The following NELL1 variants were observed in gnomAD, a reference collection of about 807,000 sequenced individuals.
NELL1 encodes neural EGFL like 1.
Under a neutral mutation model 107.4 loss-of-function variants are expected in NELL1, and 76 were observed. The ratio of observed to expected loss-of-function variants is 0.71; its 90% CI spans 0.59 to 0.86. NELL1 has a LOEUF of 0.86. NELL1 is among the 40% of genes least tolerant of loss of function. The probability of loss-of-function intolerance (pLI) is 0.00; values close to 1 mark genes in which losing one functional copy is unlikely to be tolerated. For synonymous variants in NELL1, 353 were observed against 341.2 expected (o/e 1.03, Z -0.38); for missense variants, 1,024 against 1,005.5 (o/e 1.02, Z -0.25).
Position 21,497,461 on chromosome 11 carries a change from A to G in NELL1, c.1646-36913A>G, listed in dbSNP as rs75067804. On this transcript the variant is annotated intron_variant, in intron 15 of 19. Coordinates refer to ENST00000357134, the MANE Select transcript of NELL1 (RefSeq NM_006157.5). Reference sequence around the variant, plus strand: ...TTTGTTTGACTCTCTTATGATCCAGAACTTGATTAAGAAAGTCTTTCTTAA... The same window carrying G: ...TTTGTTTGACTCTCTTATGATCCAGGACTTGATTAAGAAAGTCTTTCTTAA... Among the ~76,000 whole-genome samples the G allele has an allele frequency of 0.016, 2,452 of 152,256 alleles. 196 individuals carry two copies. The East Asian group carries it at 0.26, about 16-fold the overall frequency.
Position 21,454,959 on chromosome 11 carries a change from T to C in NELL1, c.1646-79415T>C, listed in dbSNP as rs1853688578. Among the ~76,000 whole-genome samples the C allele has an allele frequency of 2.0e-5, 3 of 152,252 alleles. No individual in the cohort carries two copies. The South Asian group carries it at 6.2e-4, about 31-fold the overall frequency. ...CACAGATATTTAGTCCATAACAGTG[T>C]GTTTTGTATTTACTCACATATTTAC... On this transcript the variant is annotated intron_variant, in intron 15 of 19. Coordinates refer to ENST00000357134, the MANE Select transcript of NELL1 (RefSeq NM_006157.5).
At chr11:21,069,098 T>G (rs573174439) in intron 12 of NELL1, among the ~76,000 whole-genome samples, 2 of 152,230 alleles carry the variant, frequency 1.3e-5, no homozygotes, top group East Asian at 1.9e-4. Flanking sequence ...GATTTGAAAG[T>G]AGTGAATGTC....
intron 15 of NELL1, among the ~76,000 whole-genome samples, chr11:21,518,851 A>C (rs181965120): frequency 3.5e-4 from 53 of 152,326 alleles, no homozygotes; most frequent in Admixed American, 3.5e-3. Flanking sequence ...TGTAAAATAG[A>C]GATAAAAATA....
intron 2 of NELL1, among the ~76,000 whole-genome samples, chr11:20,766,302 G>T (rs1856527274): frequency 6.6e-6 from 1 of 152,162 alleles, no homozygotes; most frequent in South Asian, 2.1e-4. Context: ...TAAACTGCAG[G>T]CAGGGTGAAA....
chr11:21,121,978 G>A (rs1455317357), intron 13 of NELL1, among the ~76,000 whole-genome samples: 1 of 152,118 alleles, frequency 6.6e-6, no homozygotes, highest in Non-Finnish European at 1.5e-5. Context: ...TATATCTTAG[G>A]GAGACTATCA....
chr11:20,959,741 C>A (rs1158165490), intron 11 of NELL1, among the ~76,000 whole-genome samples: 2 of 152,066 alleles, frequency 1.3e-5, no homozygotes, highest in East Asian at 3.9e-4. Flanking sequence ...GATATGTGCA[C>A]CAAAATCTCA....
intron 15 of NELL1, among the ~76,000 whole-genome samples, chr11:21,463,294 G>A (rs1853945780): frequency 6.6e-6 from 1 of 152,086 alleles, no homozygotes; most frequent in African/African-American, 2.4e-5. Flanking sequence ...TGTTTGGAGA[G>A]TTGGCCATCT....
At chr11:21,404,079 A>G (rs17305428) in intron 15 of NELL1, among the ~76,000 whole-genome samples, 5,486 of 128,184 alleles carry the variant, frequency 0.043, 176 homozygotes, top group South Asian at 0.099. Context: ...ATTCAATCTC[A>G]TTGTTGAACT....
At chr11:21,212,069 A>C (rs1191841690) in intron 13 of NELL1, among the ~76,000 whole-genome samples, 2 of 151,940 alleles carry the variant, frequency 1.3e-5, no homozygotes, top group Non-Finnish European at 2.9e-5. Context: ...CAAGTTATCC[A>C]CCCACCTTGG....
intron 13 of NELL1, among the ~76,000 whole-genome samples, chr11:21,207,501 A>C (rs994943132): frequency 6.6e-6 from 1 of 152,132 alleles, no homozygotes; most frequent in African/African-American, 2.4e-5. Flanking sequence ...CCCACATCAC[A>C]CTGTGATGAT....
In NELL1 at chr11:20,937,828, G is replaced by T; in HGVS notation, c.1040G>T (p.Arg347Leu). 1 of 1,614,004 alleles carries T rather than the reference G, an allele frequency of 6.2e-7. No individual in the cohort carries two copies. The highest frequency in any genetic ancestry group is 1.1e-5 in the South Asian group (1 of 91,072). Residue 347 changes from arginine (R) to leucine (L), a missense_variant, in exon 10 of 20, where the codon CGG becomes CTG. Arg to Leu is a moderately radical substitution (Grantham distance 102, BLOSUM62 -2). Transcript: ENST00000357134. Reference sequence around the variant, plus strand: ...GGAAAAGTTCTTGCAGAAGGCCAGCGGATTTTAACCAAGAGCTGTCGGGAA... The same window carrying T: ...GGAAAAGTTCTTGCAGAAGGCCAGCTGATTTTAACCAAGAGCTGTCGGGAA... Reference protein sequence around the residue: ...YGGKVLAEGQRILTKSCRECR... With the variant: ...YGGKVLAEGQLILTKSCRECR...
intron 15 of NELL1, among the ~76,000 whole-genome samples, chr11:21,525,280 T>A (rs1403016116): frequency 6.6e-6 from 1 of 152,156 alleles, no homozygotes; most frequent in Non-Finnish European, 1.5e-5. Context: ...AGCAGGTACC[T>A]TTCAGATTAA....
At chr11:20,729,569 T>C (rs1483899271) in intron 2 of NELL1, among the ~76,000 whole-genome samples, 1 of 152,216 alleles carries the variant, frequency 6.6e-6, no homozygotes, top group Non-Finnish European at 1.5e-5. Context: ...GATCATATGA[T>C]TTTAAAAATT....
chr11:21,175,073 G>C (rs1360443703), intron 13 of NELL1, among the ~76,000 whole-genome samples: 3 of 151,700 alleles, frequency 2.0e-5, no homozygotes, highest in Non-Finnish European at 4.4e-5. Context: ...TTCTACTCCA[G>C]GCTAAAATAT....
intron 12 of NELL1, among the ~76,000 whole-genome samples, chr11:20,969,170 A>G (rs1851444640): frequency 1.3e-5 from 2 of 151,994 alleles, no homozygotes; most frequent in African/African-American, 4.8e-5. Flanking sequence ...TGCCCTTTTC[A>G]CTTTCCTGTT....
intron 12 of NELL1, among the ~76,000 whole-genome samples, chr11:21,098,765 C>T (rs1854719222): frequency 6.6e-6 from 1 of 152,060 alleles, no homozygotes; most frequent in African/African-American, 2.4e-5. Flanking sequence ...TTTAGATCAG[C>T]ATTTGATAAT....
intron 2 of NELL1, among the ~76,000 whole-genome samples, chr11:20,778,449 T>C (rs766156697): frequency 2.2e-5 from 3 of 137,306 alleles, no homozygotes; most frequent in African/African-American, 3.1e-5. Context: ...AGTGTGTGTT[T>C]ACCTCATTTA....
At chr11:21,503,389 C>G (rs1855197761) in intron 15 of NELL1, among the ~76,000 whole-genome samples, 1 of 152,112 alleles carries the variant, frequency 6.6e-6, no homozygotes, top group Non-Finnish European at 1.5e-5. Flanking sequence ...TTAAGACGCG[C>G]TAGGACAAAA....
At chr11:20,840,798 T>C (rs979695194) in intron 3 of NELL1, among the ~76,000 whole-genome samples, 5 of 152,328 alleles carry the variant, frequency 3.3e-5, no homozygotes, top group Admixed American at 6.5e-5. Flanking sequence ...AGGTAAGGAA[T>C]GTGAAATTCG....
Sources: gnomAD v4.1 joint callset for allele counts (sites outside exome capture counted in the v4.1 genomes callset) on GRCh38, gnomAD v4.1.1 for gene constraint, MANE v1.5 for transcripts, NCBI Gene and HGNC (gene_info 2026-07-23, HGNC 2026-07-21) for gene names.